Variants in TNK2 observed in about 807,000 individuals in gnomAD.
TNK2 encodes tyrosine kinase non receptor 2.
TNK2 carries 83 observed loss-of-function variants against 101.8 expected under a neutral mutation model. That is an observed-to-expected ratio of 0.82 (90% CI 0.68 to 0.98). The LOEUF is 0.98. Among genes scored for constraint, TNK2 ranks in the 50% least tolerant of loss-of-function variants. The probability of loss-of-function intolerance (pLI) is 0.00; values close to 1 mark genes in which losing one functional copy is unlikely to be tolerated. For missense variants in TNK2, 1,665 were observed against 1,483.2 expected, an observed-to-expected ratio of 1.12 and a Z score of -2.01; for synonymous variants, 804 against 633.0, an observed-to-expected ratio of 1.27 and a Z score of -4.06.
intron 1 of TNK2, among the ~76,000 whole-genome samples, chr3:195,898,146 C>G (rs1760835894): frequency 6.6e-6 from 1 of 152,048 alleles, no homozygotes; most frequent in African/African-American, 2.4e-5. Context: ...CACTAGCCAC[C>G]CGAGGTAGAA....
intron 4 of TNK2, 145 bp from the exon 5 acceptor site, chr3:195,883,454 G>T: frequency 1.1e-6 from 1 of 950,894 alleles, no homozygotes; most frequent in African/African-American, 1.6e-5. Context: ...CAGTGCCTGG[G>T]CTTACGTGCT....
At chr3:195,874,531 AACTCCCCCTCGGGATGGCGCCCACGCAC>A in intron 9 of TNK2, among the ~76,000 whole-genome samples, 1 of 149,956 alleles carries the variant, frequency 6.7e-6, no homozygotes, top group East Asian at 2.0e-4. Flanking sequence ...AGGCACAAGA[AACTCCCCCTCGGGATGGCGCCCACGCAC>A]GCTCCGAGGC....
intron 1 of TNK2, among the ~76,000 whole-genome samples, chr3:195,905,774 CA>C (rs1346122538): frequency 3.3e-5 from 5 of 152,134 alleles, no homozygotes; most frequent in African/African-American, 1.2e-4. Flanking sequence ...ATGCAATCCA[CA>C]AAGTAACAAA....
Position 195,868,493 on chromosome 3 carries a change from G to A in TNK2, c.1805C>T (p.Pro602Leu), listed in dbSNP as rs1308593885. The part of the protein sequence containing the change: ...PVVPALRPCA[P>L]SLAQLAMDAC... ...GTCCATGGCCAGCTGCGCCAGGGAGGGCGCGCAGGGCCGTAGGGCCGGGAC... is the reference window on the plus strand; with the variant it reads ...GTCCATGGCCAGCTGCGCCAGGGAGAGCGCGCAGGGCCGTAGGGCCGGGAC... The change falls in exon 13 of 16, where the codon CCC becomes CTC. Residue 602 changes from proline to leucine, a missense_variant. By Grantham distance (98) the Pro-to-Leu change is moderately conservative. This residue lies in a region of TNK2 where 1,136 missense variants were observed against 894.9 expected (regional missense o/e 1.27). Transcript: ENST00000672887. 8 of 1,547,562 alleles carry A rather than the reference G, an allele frequency of 5.2e-6. No individual in the cohort carries two copies. Among genetic ancestry groups the A allele is most frequent in the African/African-American group, 1.4e-5 (1 of 72,636 alleles).
Position 195,885,186 on chromosome 3 carries a change from G to T in TNK2, c.235-153C>A. The stretch of plus-strand genomic sequence containing the variant: ...TGTCAGTGGGGCAGCCTGGCTGGAG[G>T]CCCACACTCCGTCCAGGGCACACCC... On this transcript the variant is annotated intron_variant, in intron 3 of 15. Transcript: ENST00000672887. The surrounding 1 kb of genome is among the most constrained non-coding windows in gnomAD (Gnocchi z 4.7). The T allele has an allele frequency of 2.0e-6, 2 of 1,000,108 alleles. No individual in the cohort carries two copies. The highest frequency in any genetic ancestry group is 2.9e-6 in the Non-Finnish European group (2 of 693,648). The allele number at this position is 1,000,108 out of a possible 1,614,324, so 62.0% of individuals were successfully genotyped here.
At position 195,886,067 on chromosome 3, in the gene TNK2, A is replaced by G. The variant is rs11918909; in HGVS notation, c.234+910T>C. 0.018 allele frequency: 2,768 copies of G among 156,004 alleles called. 43 individuals are homozygous for G. Among genetic ancestry groups the G allele is most frequent in the African/African-American group, 0.048 (1,985 of 41,584 alleles). The allele number at this position is 156,004 out of a possible 1,614,324, so 9.7% of individuals were successfully genotyped here. A position where few individuals can be genotyped will look rare whatever the true frequency, so the allele number is the denominator to read the frequency against. On this transcript the variant is annotated intron_variant, in intron 3 of 15. Coordinates refer to ENST00000672887, the MANE Select transcript of TNK2 (RefSeq NM_001382273.1). The surrounding 1 kb of genome is among the most constrained non-coding windows in gnomAD (Gnocchi z 4.2). ...GGTGAGCTGGGCAGTGGGGACCGGT[A>G]TCATTTCACTGAAGACACAACAAAA... is the stretch of plus-strand genomic sequence containing the variant.
At chr3:195,873,542 G>A (rs1384178911) in intron 9 of TNK2, among the ~76,000 whole-genome samples, 5 of 152,116 alleles carry the variant, frequency 3.3e-5, no homozygotes, top group African/African-American at 1.2e-4. Context: ...GGGCACGCGG[G>A]GGCGGTGACA....
In TNK2 at chr3:195,888,394, G is replaced by A. The variant is rs369988836; in HGVS notation, c.163+32C>T. On this transcript the variant is annotated intron_variant, in intron 2 of 15. Coordinates refer to ENST00000672887, the MANE Select transcript of TNK2 (RefSeq NM_001382273.1). The surrounding 1 kb of genome is among the most constrained non-coding windows in gnomAD (Gnocchi z 5.3). ...AGGACAGAGGACGGAAAGGGTCAGG[G>A]GCAAGACAAGCCAGGCCAACATCCC... The A allele has an allele frequency of 1.8e-5, 29 of 1,604,546 alleles. No homozygotes were observed. Among genetic ancestry groups the A allele is most frequent in the African/African-American group, 5.4e-5 (4 of 74,758 alleles).
chr3:195,870,309 G>C (rs1744165627), intron 10 of TNK2, 104 bp from the exon 11 acceptor site: 2 of 1,549,606 alleles, frequency 1.3e-6, no homozygotes, highest in Non-Finnish European at 1.7e-6. Context: ...GTGTAGTCTT[G>C]GGTCTGAAGC....
intron 11 of TNK2, 148 bp downstream of exon 11, chr3:195,869,966 C>T (rs932233083): frequency 2.3e-5 from 15 of 651,688 alleles, no homozygotes; most frequent in Non-Finnish European, 3.6e-5. Context: ...CACGCCCAGC[C>T]GGAGCCAGGG....
At chr3:195,865,074 G>A (rs1462545187) in intron 15 of TNK2, among the ~76,000 whole-genome samples, 1 of 143,350 alleles carries the variant, frequency 7.0e-6, no homozygotes, top group African/African-American at 2.6e-5. Context: ...GTGACACGGA[G>A]TGCCTGCGTC....
In TNK2 at chr3:195,870,198, G is replaced by C; in HGVS notation, c.1459C>G (p.Leu487Val). ...GFPDRIDELYLGNPMDPPDLL... is the reference protein window; with the variant it reads ...GFPDRIDELYVGNPMDPPDLL... ...TCGGGGGGGTCCATGGGGTTTCCCA[G>C]ATACAGTCTGTGGGGGAGAGAGCTG... The change falls in exon 11 of 16, where the codon CTG (leucine) becomes GTG (valine). Residue 487 changes from leucine (L) to valine (V), a missense_variant. Coordinates refer to ENST00000672887, the MANE Select transcript of TNK2 (RefSeq NM_001382273.1). 2 of 1,583,598 alleles carry C rather than the reference G, an allele frequency of 1.3e-6. No individual in the cohort carries two copies. The highest frequency in any genetic ancestry group is 2.3e-5 in the South Asian group (2 of 87,266).
intron 1 of TNK2, among the ~76,000 whole-genome samples, chr3:195,904,879 C>T (rs1448588905): frequency 6.6e-6 from 1 of 152,216 alleles, no homozygotes; most frequent in Non-Finnish European, 1.5e-5. Context: ...GAGATATACA[C>T]TGTTCATGGT....
intron 15 of TNK2, among the ~76,000 whole-genome samples, chr3:195,865,276 C>T (rs1279508220): frequency 2.8e-5 from 4 of 140,930 alleles, no homozygotes; most frequent in South Asian, 2.5e-4. Flanking sequence ...CGAGTGCCTG[C>T]GTCCCAGGTG....
In TNK2 at chr3:195,872,428, C is replaced by A. The variant is rs967057625; in HGVS notation, c.1299G>T (p.Leu433=). 1 of 1,611,448 alleles carries A rather than the reference C, an allele frequency of 6.2e-7. No homozygotes were observed. Among genetic ancestry groups the A allele is most frequent in the African/African-American group, 1.3e-5 (1 of 74,920 alleles). Reference sequence around the variant, plus strand: ...CGTTGCGAGGGAAGGGCCCCACACACAGCGTCCGTGTGTTCTGGCCACGCC... The same window carrying A: ...CGTTGCGAGGGAAGGGCCCCACACAAAGCGTCCGTGTGTTCTGGCCACGCC... ...YWWRGQNTRT[L]CVGPFPRNVV... Residue 433 remains leucine, a synonymous_variant, in exon 10 of 16, where the codon CTG becomes CTT. Transcript: ENST00000672887.
At chr3:195,890,500 G>A (rs1464786627) in intron 1 of TNK2, among the ~76,000 whole-genome samples, 5 of 147,310 alleles carry the variant, frequency 3.4e-5, no homozygotes, top group African/African-American at 1.3e-4. Context: ...TCCCAGGCTG[G>A]AGTACAATGG....
chr3:195,882,820 T>C lies in TNK2; in HGVS notation c.609+337A>G, dbSNP rs905956833. On this transcript the variant is annotated intron_variant, in intron 5 of 15. Transcript: ENST00000672887. This position sits in a 1 kb window ranked among gnomAD's most constrained non-coding sequence, Gnocchi z 4.2. ...TTGCAGTGAGCCTAGATCATGCCAT[T>C]GCACTCCAGCCTGGGCGACAAAGTG... Among the ~76,000 whole-genome samples the C allele has an allele frequency of 2.0e-5, 3 of 152,170 alleles. No individual in the cohort carries two copies. Among genetic ancestry groups the C allele is most frequent in the Non-Finnish European group, 4.4e-5 (3 of 68,034 alleles).
chr3:195,870,767 A>T (rs1202966560), intron 10 of TNK2, among the ~76,000 whole-genome samples: 1 of 152,222 alleles, frequency 6.6e-6, no homozygotes, highest in Admixed American at 6.5e-5. Flanking sequence ...ACAGCATGCC[A>T]GGAGTGGGGC....
At chr3:195,898,626 C>G (rs1760897164) in intron 1 of TNK2, among the ~76,000 whole-genome samples, 1 of 151,682 alleles carries the variant, frequency 6.6e-6, no homozygotes, top group South Asian at 2.1e-4. Context: ...TGGGGTTCTT[C>G]TTGTTTTTTG....
Sources: allele counts gnomAD v4.1 joint callset (sites outside exome capture counted in the v4.1 genomes callset), GRCh38; gene constraint gnomAD v4.1.1; regional missense constraint gnomAD v4.1.1; non-coding constraint Gnocchi (gnomAD v3.1); transcripts MANE v1.5; gene names NCBI Gene and HGNC (gene_info 2026-07-23, HGNC 2026-07-21).